The following UBR4 variants were observed in gnomAD, a reference collection of about 807,000 sequenced individuals.
UBR4 encodes the protein ubiquitin protein ligase E3 component n-recognin 4.
Under a neutral mutation model 575.6 loss-of-function variants are expected in UBR4, and 124 were observed. The observed-to-expected ratio is 0.22, with a 90% confidence interval of 0.19 to 0.25. The LOEUF (loss-of-function observed/expected upper bound fraction) is 0.25. Among genes scored for constraint, UBR4 ranks in the 10% least tolerant of loss-of-function variants. The pLI is 1.00. For synonymous variants in UBR4, 2,455 were observed against 2,473.7 expected, an observed-to-expected ratio of 0.99 and a Z score of 0.22; for missense variants, 4,818 against 6,478.8, an observed-to-expected ratio of 0.74 and a Z score of 8.80.
chr1:19,093,900 C>A lies in UBR4; in HGVS notation c.13937+49G>T. 2 of 1,568,424 alleles carry A rather than the reference C, an allele frequency of 1.3e-6. No individual in the cohort carries two copies. Among genetic ancestry groups the A allele is most frequent in the Non-Finnish European group, 1.7e-6 (2 of 1,152,098 alleles). On this transcript the variant is annotated intron_variant, in intron 95 of 105. Transcript: ENST00000375254. The surrounding 1 kb of genome is among the most constrained non-coding windows in gnomAD (Gnocchi z 4.8). Reference sequence around the variant, plus strand: ...TCCTCATCTCACAGACCTAGTTCGGCGTTTTAGTGGAGACTCTCATTTCAC... The same window carrying A: ...TCCTCATCTCACAGACCTAGTTCGGAGTTTTAGTGGAGACTCTCATTTCAC...
rs189780143 is a variant in UBR4 at position 19,185,878 on chromosome 1, T to C, written c.1751-592A>G. On this transcript the variant is annotated intron_variant, in intron 14 of 105. Transcript: ENST00000375254. ...AGCCACCGCGCCCAGCCAATTTTTC[T>C]TTAAGGAGCCCAACAAAGAAAGAAA... Among the ~76,000 whole-genome samples the C allele has an allele frequency of 6.6e-5, 10 of 152,304 alleles. No homozygotes were observed. The South Asian group carries it at 1.4e-3, about 22-fold the overall frequency.
chr1:19,201,891 C>G (rs961029481), intron 1 of UBR4, 76 bp from the exon 2 acceptor site: 10 of 1,267,914 alleles, frequency 7.9e-6, no homozygotes, highest in Non-Finnish European at 1.1e-5. Flanking sequence ...ATGGATATTA[C>G]ATTATTTAAT....
intron 65 of UBR4, among the ~76,000 whole-genome samples, chr1:19,123,969 G>A (rs2081450843): frequency 6.6e-6 from 1 of 152,202 alleles, no homozygotes; most frequent in South Asian, 2.1e-4. Context: ...CCAACAGGGA[G>A]GGACACTGGC....
intron 58 of UBR4, 137 bp downstream of exon 58, chr1:19,140,651 T>C: frequency 3.4e-6 from 3 of 875,326 alleles, no homozygotes; most frequent in East Asian, 2.7e-5. Flanking sequence ...TCCACACCCA[T>C]CTTTCTAAAG....
At chr1:19,122,488 T>A (rs957881252) in intron 66 of UBR4, among the ~76,000 whole-genome samples, 8 of 152,230 alleles carry the variant, frequency 5.3e-5, no homozygotes, top group African/African-American at 1.9e-4. Context: ...ACCTTCATCA[T>A]TTCTTTAGTA....
At position 19,192,519 on chromosome 1, in the gene UBR4, C is replaced by T. The variant is rs2092163929; in HGVS notation, c.1165G>A (p.Gly389Arg). 1.2e-6 allele frequency: 2 copies of T among 1,613,926 alleles called. No individual in the cohort carries two copies. Among genetic ancestry groups the T allele is most frequent in the African/African-American group, 1.3e-5 (1 of 74,902 alleles). ...QKCLEIYDMI[G>R]QAISSSRRAG... ...CGGCGAGAACTGCTGATTGCTTGTC[C>T]AATCATGTCATAGATTTCGAGCTGT... is the stretch of plus-strand genomic sequence containing the variant. The change falls in exon 10 of 106, where the codon GGA becomes AGA. Residue 389 changes from glycine to arginine, a missense_variant. This residue lies in a region of UBR4 where 131 missense variants were observed against 214.5 expected (regional missense o/e 0.61). Transcript: ENST00000375254.
intron 65 of UBR4, 68 bp from the exon 66 acceptor site, chr1:19,123,128 AC>A: frequency 6.6e-7 from 1 of 1,526,554 alleles, no homozygotes; most frequent in Non-Finnish European, 9.0e-7. Flanking sequence ...TGTGGCTCTC[AC>A]ACCCTGGGTT....
intron 21 of UBR4, 45 bp from the exon 22 acceptor site, chr1:19,174,492 A>AT (rs915086588): frequency 3.8e-6 from 6 of 1,594,386 alleles, no homozygotes; most frequent in Non-Finnish European, 5.1e-6. Flanking sequence ...CTTTTAAAGT[A>AT]TTTTTTCCTA....
Position 19,177,706 on chromosome 1 carries a change from C to T in UBR4, c.2392G>A (p.Val798Met), listed in dbSNP as rs1254145746. 2.5e-6 allele frequency: 4 copies of T among 1,613,856 alleles called. No individual in the cohort carries two copies. The highest frequency in any genetic ancestry group is 2.5e-6 in the Non-Finnish European group (3 of 1,180,004). ...STMKQNALQG[V>M]VPSETEDLNV... ...AGATCCTCTGTCTCACTGGGCACCA[C>T]ACCTTGCAGGGCATTCTGCTTCATT... Residue 798 changes from valine (V) to methionine (M), a missense_variant, in exon 19 of 106, where the codon GTG (valine) becomes ATG (methionine). Physicochemically the swap from Val to Met is conservative, Grantham distance 21 (BLOSUM62 1). This residue lies in a region of UBR4 where 1,172 missense variants were observed against 1,259.7 expected (regional missense o/e 0.93). Coordinates refer to ENST00000375254, the MANE Select transcript of UBR4 (RefSeq NM_020765.3).
intron 62 of UBR4, 129 bp from the exon 63 acceptor site, chr1:19,127,868 AC>A: frequency 2.7e-6 from 2 of 735,040 alleles, no homozygotes; most frequent in East Asian, 2.5e-5. Context: ...ACACAAAACA[AC>A]CCCCAGTATA....
At chr1:19,165,437 G>T in intron 30 of UBR4, 88 bp from the exon 31 acceptor site, 3 of 1,253,470 alleles carry the variant, frequency 2.4e-6, no homozygotes, top group Non-Finnish European at 3.4e-6. Flanking sequence ...CATCTCCTCT[G>T]GGGAAAATGA....
intron 103 of UBR4, chr1:19,081,064 A>G (rs1405147570): frequency 2.3e-5 from 8 of 346,062 alleles, no homozygotes; most frequent in Admixed American, 1.7e-4. Context: ...TGATCATCTC[A>G]TTGGTTTTAT....
At chr1:19,197,045 G>A (rs926169915) in intron 8 of UBR4, 96 bp downstream of exon 8, 3 of 1,438,280 alleles carry the variant, frequency 2.1e-6, no homozygotes, top group African/African-American at 2.9e-5. Flanking sequence ...AGGAAGCAAG[G>A]GGGATGAGTA....
In UBR4 at chr1:19,110,873, C is replaced by A. The variant is rs1321161927; in HGVS notation, c.11802-41G>T. 1 of 1,585,076 alleles carries A rather than the reference C, an allele frequency of 6.3e-7. No individual in the cohort carries two copies. Among genetic ancestry groups the A allele is most frequent in the Non-Finnish European group, 8.6e-7 (1 of 1,157,980 alleles). On this transcript the variant is annotated intron_variant, in intron 78 of 105. Coordinates refer to ENST00000375254, the MANE Select transcript of UBR4 (RefSeq NM_020765.3). The surrounding 1 kb of genome is among the most constrained non-coding windows in gnomAD (Gnocchi z 4.5). Reference sequence around the variant, plus strand: ...GAAATGGAGTCCTATAATTCACAATCAGGTGTGACACTCCTTTCCACCTGA... The same window carrying A: ...GAAATGGAGTCCTATAATTCACAATAAGGTGTGACACTCCTTTCCACCTGA...
intron 102 of UBR4, among the ~76,000 whole-genome samples, chr1:19,083,491 A>G (rs1434222215): frequency 6.6e-6 from 1 of 152,246 alleles, no homozygotes; most frequent in Non-Finnish European, 1.5e-5. Flanking sequence ...GCCTACAAGC[A>G]TGAAACAGTG....
chr1:19,175,707 A>G (rs991832666), intron 20 of UBR4, among the ~76,000 whole-genome samples: 2 of 152,256 alleles, frequency 1.3e-5, no homozygotes, highest in African/African-American at 4.8e-5. Context: ...AAGGAAAATT[A>G]ATGACACAGA....
At chr1:19,178,887 T>C (rs1051255977) in intron 18 of UBR4, among the ~76,000 whole-genome samples, 164 bp downstream of exon 18, 1 of 152,210 alleles carries the variant, frequency 6.6e-6, no homozygotes, top group Non-Finnish European at 1.5e-5. Context: ...TTGACATACT[T>C]GTTTTTTAAC....
chr1:19,164,273 A>G lies in UBR4; in HGVS notation c.4680T>C (p.Ala1560=). 6.2e-7 allele frequency: 1 copy of G among 1,613,826 alleles called. No homozygotes were observed. Residue 1560 remains alanine, a synonymous_variant, in exon 33 of 106, where the codon GCT becomes GCC. Coordinates refer to ENST00000375254, the MANE Select transcript of UBR4 (RefSeq NM_020765.3). ...GAGHLQLHNA[A]VDWLSRCKKY... The stretch of plus-strand genomic sequence containing the variant: ...CTTACCATCTGCTCAGCCAATCCAC[A>G]GCAGCATTATGAAGCTGAAGGTGAC...
intron 103 of UBR4, 149 bp from the exon 104 acceptor site, chr1:19,078,215 G>T: frequency 1.3e-6 from 1 of 744,788 alleles, no homozygotes; most frequent in Non-Finnish European, 2.2e-6. Flanking sequence ...GAAAAAAGCA[G>T]CTGTGGGCAA....
Sources: gnomAD v4.1 joint callset for allele counts (sites outside exome capture counted in the v4.1 genomes callset) on GRCh38, gnomAD v4.1.1 for gene constraint, gnomAD v4.1.1 regional missense constraint, Gnocchi (gnomAD v3.1) non-coding constraint, MANE v1.5 for transcripts, NCBI Gene and HGNC (gene_info 2026-07-23, HGNC 2026-07-21) for gene names.